The following KCTD3 variants were observed in gnomAD, a reference collection of about 807,000 sequenced individuals.
The protein encoded by KCTD3 is potassium channel tetramerization domain containing 3, also known as BTB/POZ domain-containing protein KCTD3.
Under a neutral mutation model 85.8 loss-of-function variants are expected in KCTD3, and 41 were observed. That is an observed-to-expected ratio of 0.48 (90% CI 0.37 to 0.62). The LOEUF is 0.62. KCTD3 is among the 20% of genes least tolerant of loss of function. The pLI, the probability that KCTD3 is intolerant of heterozygous loss-of-function variation, is 0.00. For missense variants in KCTD3, 724 were observed against 989.9 expected (o/e 0.73, Z 3.60); for synonymous variants, 338 against 345.4 (o/e 0.98, Z 0.24).
Position 215,577,736 on chromosome 1 carries a change from C to G in KCTD3, c.316+8C>G, listed in dbSNP as rs765485594. On this transcript the variant is annotated splice_region_variant and intron_variant, in intron 5 of 17. Coordinates refer to ENST00000259154, the MANE Select transcript of KCTD3 (RefSeq NM_016121.5). The stretch of plus-strand genomic sequence containing the variant: ...ACGGGATCACTCCATTAGGTATGTG[C>G]TCTTTTAATATTTGGTGTTTATGAT... The G allele has an allele frequency of 1.3e-5, 21 of 1,569,940 alleles. No individual in the cohort carries two copies. The highest frequency in any genetic ancestry group is 1.8e-5 in the Non-Finnish European group (20 of 1,139,994).
chr1:215,586,386 G>GTTT, intron 8 of KCTD3, 109 bp from the exon 9 acceptor site: 3 of 820,748 alleles, frequency 3.7e-6, no homozygotes, highest in Non-Finnish European at 5.6e-6. Flanking sequence ...TAACTGTTTA[G>GTTT]TTTTTTTTTT....
At chr1:215,615,183 GC>G (rs1655387292) in intron 15 of KCTD3, among the ~76,000 whole-genome samples, 1 of 152,120 alleles carries the variant, frequency 6.6e-6, no homozygotes. Flanking sequence ...TAGAAAATTA[GC>G]CCTTTATAAA....
intron 14 of KCTD3, 148 bp downstream of exon 14, chr1:215,608,320 C>A: frequency 1.9e-6 from 1 of 517,108 alleles, no homozygotes; most frequent in Non-Finnish European, 3.2e-6. Context: ...GTGTGTTTTT[C>A]TGATTAAATT....
intron 14 of KCTD3, among the ~76,000 whole-genome samples, chr1:215,609,491 A>G (rs1655152824): frequency 1.3e-5 from 2 of 152,080 alleles, no homozygotes; most frequent in African/African-American, 4.8e-5. Context: ...TTATCTTGTA[A>G]GTAATGGAGA....
chr1:215,595,500 A>C, intron 10 of KCTD3, 29 bp downstream of exon 10: 3 of 1,301,486 alleles, frequency 2.3e-6, no homozygotes, highest in Non-Finnish European at 3.3e-6. Flanking sequence ...ACAGAAGTGA[A>C]AATATTTCTG....
chr1:215,596,669 A>C (rs1660427340), intron 10 of KCTD3, among the ~76,000 whole-genome samples: 1 of 152,172 alleles, frequency 6.6e-6, no homozygotes, highest in Non-Finnish European at 1.5e-5. Context: ...GAGAAGAGAG[A>C]CAGCAAATTC....
intron 1 of KCTD3, 37 bp downstream of exon 1, chr1:215,567,805 C>T (rs1392066046): frequency 8.4e-7 from 1 of 1,196,834 alleles, no homozygotes; most frequent in African/African-American, 1.6e-5. Flanking sequence ...GCGGGGATGC[C>T]TTGGCGGCCT....
chr1:215,580,866 A>C (rs1215904249), intron 8 of KCTD3: 1 of 352,538 alleles, frequency 2.8e-6, no homozygotes, highest in African/African-American at 2.3e-5. Context: ...TAAAAATCTG[A>C]ATTTATGAAA....
intron 3 of KCTD3, among the ~76,000 whole-genome samples, chr1:215,575,528 ATTAT>A (rs1659538518): frequency 6.6e-6 from 1 of 152,180 alleles, no homozygotes; most frequent in Non-Finnish European, 1.5e-5. Context: ...ATAAGAAAGT[ATTAT>A]TTATTCATGT....
Position 215,567,785 on chromosome 1 carries a change from C to T in KCTD3, c.83+17C>T. On this transcript the variant is annotated intron_variant, in intron 1 of 17. Coordinates refer to ENST00000259154, the MANE Select transcript of KCTD3 (RefSeq NM_016121.5). Reference sequence around the variant, plus strand: ...GGGGACCAGGTGAGTCGGCGGGTAGCGGGCTTGCAGCGGGGATGCCTTGGC... The same window carrying T: ...GGGGACCAGGTGAGTCGGCGGGTAGTGGGCTTGCAGCGGGGATGCCTTGGC... The T allele has an allele frequency of 1.6e-6, 2 of 1,238,636 alleles. No homozygotes were observed. The highest frequency in any genetic ancestry group is 2.0e-6 in the Non-Finnish European group (2 of 984,050). The allele number at this position is 1,238,636 out of a possible 1,614,324, so 76.7% of individuals were successfully genotyped here.
At chr1:215,596,605 T>G (rs1432691575) in intron 10 of KCTD3, among the ~76,000 whole-genome samples, 4 of 151,986 alleles carry the variant, frequency 2.6e-5, no homozygotes, top group Admixed American at 1.3e-4. Flanking sequence ...TATATATTAG[T>G]TAGGTGTTGG....
intron 13 of KCTD3, among the ~76,000 whole-genome samples, chr1:215,606,396 A>C (rs562370307): frequency 6.6e-6 from 1 of 152,068 alleles, no homozygotes; most frequent in African/African-American, 2.4e-5. Flanking sequence ...TATTATCTCT[A>C]TCTCTTCTAG....
rs115737425 is a variant in KCTD3 at position 215,610,984 on chromosome 1, A to G, written c.1466-841A>G. 9.7e-3 allele frequency among the ~76,000 whole-genome samples: 1,479 copies of G among 152,006 alleles called. 29 individuals are homozygous for G. Among genetic ancestry groups the G allele is most frequent in the African/African-American group, 0.034 (1,408 of 41,530 alleles). ...GGGATATATTGTCTTTAAAATTTTT[A>G]TTGTAAATCTTTTTACAATACTTTT... On this transcript the variant is annotated intron_variant, in intron 14 of 17. Transcript: ENST00000259154.
rs943173772 is a variant in KCTD3, at chr1:215,599,911, G to T, written c.934-1956G>T. Among the ~76,000 whole-genome samples, 18 of 141,974 alleles carry T rather than the reference G, an allele frequency of 1.3e-4. 1 individual carries two copies. In the South Asian group the frequency reaches 4.1e-3, roughly 32 times the overall value. The allele number at this position is 141,974 out of a possible 152,430, so 93.1% of individuals were successfully genotyped here. On this transcript the variant is annotated intron_variant, in intron 10 of 17. Coordinates refer to ENST00000259154, the MANE Select transcript of KCTD3 (RefSeq NM_016121.5). ...TTCATTGAAAAAAAAAAAAAAAAAA[G>T]AATGTATCCAAAGGGAGAAGAATCT...
intron 9 of KCTD3, among the ~76,000 whole-genome samples, chr1:215,592,229 T>C (rs1260410462): frequency 6.6e-6 from 1 of 152,186 alleles, no homozygotes; most frequent in Non-Finnish European, 1.5e-5. Context: ...GTCTCACCTT[T>C]CTATGCTGTG....
chr1:215,571,163 T>G (rs1403241235), intron 1 of KCTD3, among the ~76,000 whole-genome samples: 2 of 152,226 alleles, frequency 1.3e-5, no homozygotes, highest in Non-Finnish European at 2.9e-5. Flanking sequence ...TATAAAAGAT[T>G]GCAAGTTATA....
chr1:215,612,995 C>T (rs940106998), intron 15 of KCTD3, among the ~76,000 whole-genome samples: 4 of 151,896 alleles, frequency 2.6e-5, no homozygotes, highest in South Asian at 2.1e-4. Flanking sequence ...TGAGCGGGGC[C>T]GGGGAGAGAG....
At chr1:215,601,762 T>C in intron 10 of KCTD3, 105 bp from the exon 11 acceptor site, 1 of 658,330 alleles carries the variant, frequency 1.5e-6, no homozygotes, top group Non-Finnish European at 2.7e-6. Context: ...TAAAATTGGA[T>C]ATTGGTTGCC....
At chr1:215,572,022 A>G (rs1659388574) in intron 1 of KCTD3, among the ~76,000 whole-genome samples, 1 of 152,340 alleles carries the variant, frequency 6.6e-6, no homozygotes, top group East Asian at 1.9e-4. Context: ...GGAACAGTGC[A>G]TACACGGCTT....
Sources: gnomAD v4.1 joint callset for allele counts (sites outside exome capture counted in the v4.1 genomes callset) on GRCh38, gnomAD v4.1.1 for gene constraint, MANE v1.5 for transcripts, NCBI Gene and HGNC (gene_info 2026-07-23, HGNC 2026-07-21) for gene names.